Variants in DSCAM observed in about 807,000 individuals in gnomAD.
The protein encoded by DSCAM is DS cell adhesion molecule, also known as cell adhesion molecule DSCAM.
A neutral mutation model predicts 217.7 loss-of-function variants in DSCAM; 47 were observed. The ratio of observed to expected loss-of-function variants is 0.22; its 90% CI spans 0.17 to 0.28. DSCAM has a LOEUF of 0.28. Among genes scored for constraint, DSCAM ranks in the 10% least tolerant of loss-of-function variants. DSCAM has a pLI of 1.00. For missense variants in DSCAM, 2,080 were observed against 2,618.3 expected, an observed-to-expected ratio of 0.79 and a Z score of 4.49; for synonymous variants, 1,056 against 1,015.3, an observed-to-expected ratio of 1.04 and a Z score of -0.76.
In DSCAM at chr21:40,310,978, C is replaced by T. The variant is rs573457216; in HGVS notation, c.2062+1103G>A. 3.3e-5 allele frequency among the ~76,000 whole-genome samples: 5 copies of T among 152,092 alleles called. No individual in the cohort carries two copies. In the East Asian group the frequency reaches 9.7e-4, roughly 29 times the overall value. On this transcript the variant is annotated intron_variant, in intron 9 of 32. Coordinates refer to ENST00000400454, the MANE Select transcript of DSCAM (RefSeq NM_001389.5). The stretch of plus-strand genomic sequence containing the variant: ...TCAGAAATACAAAGTTAGTTTCTTC[C>T]TATGACTTCTAAGTCTGTGTCACTT...
At chr21:40,806,103 C>A (rs1351368313) in intron 1 of DSCAM, among the ~76,000 whole-genome samples, 3 of 152,206 alleles carry the variant, frequency 2.0e-5, no homozygotes, top group Non-Finnish European at 4.4e-5. Context: ...CTGCTGGGCT[C>A]TTCTCAGATC....
At chr21:40,316,521 C>T (rs1275576109) in intron 8 of DSCAM, among the ~76,000 whole-genome samples, 1 of 152,132 alleles carries the variant, frequency 6.6e-6, no homozygotes, top group Non-Finnish European at 1.5e-5. Flanking sequence ...AAAGCTGAAC[C>T]TCCTATTTGA....
intron 21 of DSCAM, among the ~76,000 whole-genome samples, chr21:40,090,007 T>C (rs1601319437): frequency 6.6e-6 from 1 of 152,188 alleles, no homozygotes; most frequent in Non-Finnish European, 1.5e-5. Flanking sequence ...CCTGCAACGA[T>C]GGCTTCCTGC....
intron 27 of DSCAM, among the ~76,000 whole-genome samples, chr21:40,068,034 C>T (rs2089236684): frequency 6.6e-6 from 1 of 152,062 alleles, no homozygotes. Flanking sequence ...TCTAAAGCCG[C>T]TTGCTACTCC....
intron 3 of DSCAM, among the ~76,000 whole-genome samples, chr21:40,421,820 G>T (rs2075427220): frequency 6.6e-6 from 1 of 152,232 alleles, no homozygotes; most frequent in Admixed American, 6.5e-5. Flanking sequence ...GAAACAAATA[G>T]CTCCTTGGGA....
intron 32 of DSCAM, among the ~76,000 whole-genome samples, chr21:40,015,208 C>T (rs149172729): frequency 7.1e-4 from 108 of 152,266 alleles, no homozygotes; most frequent in African/African-American, 2.4e-3. Context: ...CATTTCCACA[C>T]GAGTGTCCAT....
chr21:40,501,485 T>C (rs2076169870), intron 3 of DSCAM, among the ~76,000 whole-genome samples: 1 of 152,222 alleles, frequency 6.6e-6, no homozygotes, highest in South Asian at 2.1e-4. Context: ...TTCATTGTGA[T>C]ATATAAAGAC....
chr21:40,663,472 A>T (rs1334991739), intron 3 of DSCAM, among the ~76,000 whole-genome samples: 1 of 152,104 alleles, frequency 6.6e-6, no homozygotes, highest in Non-Finnish European at 1.5e-5. Flanking sequence ...GTACATCTAT[A>T]GACTTTGTCT....
At chr21:40,063,719 C>T (rs1453327966) in intron 27 of DSCAM, among the ~76,000 whole-genome samples, 5 of 152,192 alleles carry the variant, frequency 3.3e-5, no homozygotes, top group Non-Finnish European at 5.9e-5. Context: ...GTGTGACCAG[C>T]TCTGCAGTGA....
At chr21:40,344,952 T>C (rs1297205769) in intron 6 of DSCAM, among the ~76,000 whole-genome samples, 11 of 152,346 alleles carry the variant, frequency 7.2e-5, no homozygotes, top group African/African-American at 2.6e-4. Context: ...CTCTAATCAT[T>C]TTCTTTGCAG....
chr21:40,029,630 G>T (rs544804977), intron 32 of DSCAM, among the ~76,000 whole-genome samples: 1 of 152,264 alleles, frequency 6.6e-6, no homozygotes, highest in South Asian at 2.1e-4. Flanking sequence ...CCTGAAGAAA[G>T]AGCCTACCTC....
At chr21:40,182,669 C>T (rs1398017949) in intron 14 of DSCAM, among the ~76,000 whole-genome samples, 30 of 17,668 alleles carry the variant, frequency 1.7e-3, no homozygotes, top group African/African-American at 3.6e-3. Flanking sequence ...AAACCGTGGA[C>T]AGGGGGGGGT....
chr21:40,343,464 C>T (rs554540735), intron 6 of DSCAM, among the ~76,000 whole-genome samples: 9 of 152,320 alleles, frequency 5.9e-5, no homozygotes, highest in Non-Finnish European at 1.3e-4. Context: ...TCTCTAGAGT[C>T]TCAGTTTGCT....
chr21:40,031,866 C>T (rs956970955), intron 32 of DSCAM, among the ~76,000 whole-genome samples: 1 of 152,190 alleles, frequency 6.6e-6, no homozygotes, highest in Admixed American at 6.5e-5. Context: ...TGTTTAACCC[C>T]CTTCCATGGC....
intron 3 of DSCAM, among the ~76,000 whole-genome samples, chr21:40,538,547 C>G (rs1258841977): frequency 6.6e-6 from 1 of 152,150 alleles, no homozygotes; most frequent in Non-Finnish European, 1.5e-5. Flanking sequence ...AAGCGAGCAA[C>G]TTTTAAGTAT....
At chr21:40,379,979 T>C (rs2075003757) in intron 3 of DSCAM, among the ~76,000 whole-genome samples, 1 of 152,162 alleles carries the variant, frequency 6.6e-6, no homozygotes, top group African/African-American at 2.4e-5. Context: ...CACCATCACA[T>C]GGGGCATGAG....
chr21:40,127,708 A>C (rs376145071), intron 19 of DSCAM, among the ~76,000 whole-genome samples: 1 of 152,120 alleles, frequency 6.6e-6, no homozygotes, highest in Non-Finnish European at 1.5e-5. Context: ...CTCTTGCCCC[A>C]TCTCAGGAAA....
intron 8 of DSCAM, among the ~76,000 whole-genome samples, chr21:40,331,319 T>A (rs981449855): frequency 6.6e-6 from 1 of 152,188 alleles, no homozygotes; most frequent in African/African-American, 2.4e-5. Flanking sequence ...TGCACAAAGC[T>A]GTCCCTCCAC....
chr21:40,061,569 CAAAAAA>C (rs1223587491), intron 28 of DSCAM, among the ~76,000 whole-genome samples: 1 of 86,358 alleles, frequency 1.2e-5, no homozygotes, highest in African/African-American at 4.2e-5. Context: ...AACTCTGTCC[CAAAAAA>C]AAAAAAAAAA....
Sources: gnomAD v4.1 joint callset for allele counts (sites outside exome capture counted in the v4.1 genomes callset) on GRCh38, gnomAD v4.1.1 for gene constraint, MANE v1.5 for transcripts, NCBI Gene and HGNC (gene_info 2026-07-23, HGNC 2026-07-21) for gene names.